RORA: variants seen among roughly 807,000 people sequenced by gnomAD.
RORA encodes the protein nuclear receptor ROR-alpha.
A neutral mutation model predicts 69.5 loss-of-function variants in RORA; 7 were observed. The observed-to-expected ratio is 0.10, with a 90% confidence interval of 0.06 to 0.19. The LOEUF (loss-of-function observed/expected upper bound fraction) is 0.19, where lower values mean the gene tolerates loss of function less well. Among genes scored for constraint, RORA ranks in the 10% least tolerant of loss-of-function variants. The pLI, the probability that RORA is intolerant of heterozygous loss-of-function variation, is 1.00. For missense variants in RORA, 457 were observed against 663.0 expected (o/e 0.69, Z 3.41); for synonymous variants, 261 against 240.8 (o/e 1.08, Z -0.78).
At chr15:61,193,257 T>C (rs1175574578) in intron 1 of RORA, among the ~76,000 whole-genome samples, 9 of 152,190 alleles carry the variant, frequency 5.9e-5, no homozygotes, top group Admixed American at 5.2e-4. Flanking sequence ...AAAACAATAA[T>C]ATATTTTTAG....
chr15:60,934,494 G>A (rs1001193501), intron 1 of RORA, among the ~76,000 whole-genome samples: 16 of 116,738 alleles, frequency 1.4e-4, no homozygotes, highest in Non-Finnish European at 2.8e-4. Context: ...TGTTGTTGTT[G>A]TTGTTTGTTT....
intron 1 of RORA, among the ~76,000 whole-genome samples, chr15:60,956,274 T>G (rs1893265479): frequency 6.6e-6 from 1 of 152,240 alleles, no homozygotes; most frequent in Non-Finnish European, 1.5e-5. Flanking sequence ...TTAATTTGTA[T>G]AATGCTTTAT....
intron 3 of RORA, among the ~76,000 whole-genome samples, chr15:60,521,191 T>G (rs530600719): frequency 6.6e-5 from 10 of 151,956 alleles, no homozygotes; most frequent in African/African-American, 2.2e-4. Flanking sequence ...GCATACATAG[T>G]AGTTTGAACA....
At chr15:61,083,426 A>G (rs528465508) in intron 1 of RORA, among the ~76,000 whole-genome samples, 1 of 152,276 alleles carries the variant, frequency 6.6e-6, no homozygotes, top group Admixed American at 6.5e-5. Context: ...AAAGCCATCT[A>G]TACCTATGGA....
At chr15:61,136,556 T>C (rs971749114) in intron 1 of RORA, among the ~76,000 whole-genome samples, 3 of 152,186 alleles carry the variant, frequency 2.0e-5, no homozygotes, top group African/African-American at 7.2e-5. Context: ...ACAAAACACA[T>C]GAGCACATGT....
chr15:61,203,858 C>A (rs1216632180), intron 1 of RORA, among the ~76,000 whole-genome samples: 1 of 152,226 alleles, frequency 6.6e-6, no homozygotes, highest in Non-Finnish European at 1.5e-5. Flanking sequence ...AACTTATCAT[C>A]CGCAACATTA....
intron 1 of RORA, among the ~76,000 whole-genome samples, chr15:60,696,569 C>T (rs1463876065): frequency 1.3e-5 from 2 of 152,148 alleles, no homozygotes; most frequent in Non-Finnish European, 2.9e-5. Context: ...ACCACCACAT[C>T]ACCACATACG....
At chr15:60,647,683 G>A (rs1156599351) in intron 2 of RORA, among the ~76,000 whole-genome samples, 1 of 152,162 alleles carries the variant, frequency 6.6e-6, no homozygotes, top group African/African-American at 2.4e-5. Flanking sequence ...AACCAGAACT[G>A]TTCAGAAAGA....
At chr15:60,732,842 C>T (rs111379753) in intron 1 of RORA, among the ~76,000 whole-genome samples, 13 of 151,604 alleles carry the variant, frequency 8.6e-5, no homozygotes, top group African/African-American at 3.2e-4. Flanking sequence ...CGTGCACTTA[C>T]ATGCTTCTAT....
chr15:60,501,025 A>C lies in RORA; in HGVS notation c.1228T>G (p.Leu410Val). ...TCTTCAGTCAGGTGCATAGAACATA[A>C]ACTCTTTCCAAATTCAAACACAAAG... ...ISFVFEFGKS[L>V]CSMHLTEDEI... Residue 410 changes from leucine (L) to valine (V), a missense_variant, in exon 9 of 11, where the codon TTA becomes GTA. Leu to Val is a conservative substitution (Grantham distance 32). This residue lies in a region of RORA where 304 missense variants were observed against 447.4 expected (regional missense o/e 0.68). Coordinates refer to ENST00000335670, the MANE Select transcript of RORA (RefSeq NM_134261.3). The C allele has an allele frequency of 6.2e-7, 1 of 1,611,062 alleles. No homozygotes were observed. The highest frequency in any genetic ancestry group is 8.5e-7 in the Non-Finnish European group (1 of 1,177,470).
chr15:61,010,556 TCC>T (rs1361129225), intron 1 of RORA, among the ~76,000 whole-genome samples: 1 of 152,098 alleles, frequency 6.6e-6, no homozygotes, highest in Non-Finnish European at 1.5e-5. Flanking sequence ...AATCCAAACA[TCC>T]CAGGGGTGTG....
intron 1 of RORA, among the ~76,000 whole-genome samples, chr15:60,970,902 GA>G (rs1257800739): frequency 1.3e-5 from 2 of 152,182 alleles, no homozygotes; most frequent in African/African-American, 4.8e-5. Flanking sequence ...ATGCTCCAGT[GA>G]AATTCAGACA....
intron 1 of RORA, among the ~76,000 whole-genome samples, chr15:60,876,532 C>A (rs896229721): frequency 6.6e-6 from 1 of 152,172 alleles, no homozygotes; most frequent in Non-Finnish European, 1.5e-5. Flanking sequence ...TTTTTTAAAA[C>A]CTTCGTTATC....
Position 61,117,637 on chromosome 15 carries a change from C to T in RORA, c.166+111416G>A, listed in dbSNP as rs74530188. On this transcript the variant is annotated intron_variant, in intron 1 of 10. Transcript: ENST00000335670. Reference sequence around the variant, plus strand: ...CTAAATGTGTTTGAGGAATTCTCTCCCAGACGTTAGAAAGTTGGATTTTGA... The same window carrying T: ...CTAAATGTGTTTGAGGAATTCTCTCTCAGACGTTAGAAAGTTGGATTTTGA... 5.2e-3 allele frequency among the ~76,000 whole-genome samples: 786 copies of T among 152,236 alleles called. 3 individuals are homozygous for T. Among genetic ancestry groups the T allele is most frequent in the Middle Eastern group, 0.02 (6 of 294 alleles).
chr15:60,613,194 C>A (rs532893098), intron 2 of RORA, among the ~76,000 whole-genome samples: 1 of 152,056 alleles, frequency 6.6e-6, no homozygotes, highest in Non-Finnish European at 1.5e-5. Context: ...TAACATGTAT[C>A]ACTACAACCG....
rs2065104559 is a variant in RORA at position 60,493,981 on chromosome 15, A to ACACACACACACACT, written c.*3473_*3474insAGTGTGTGTGTGTG. 1 of 145,400 alleles carries ACACACACACACACT rather than the reference A, an allele frequency of 6.9e-6. No individual in the cohort carries two copies. The highest frequency in any genetic ancestry group is 2.6e-5 in the African/African-American group (1 of 38,408). 9.0% of individuals were successfully genotyped at this position (145,400 alleles called of 1,614,324 possible). ...CACACACACACACACACACACACAC[A>ACACACACACACACT]CACACACTCCTTCCTCACCTGACCC... On this transcript the variant is annotated 3_prime_UTR_variant, in exon 11 of 11. Transcript: ENST00000335670.
At chr15:61,065,145 A>G (rs907325599) in intron 1 of RORA, among the ~76,000 whole-genome samples, 1 of 152,224 alleles carries the variant, frequency 6.6e-6, no homozygotes, top group East Asian at 1.9e-4. Flanking sequence ...CCCTCCCCAC[A>G]GAATCTGTTT....
intron 1 of RORA, among the ~76,000 whole-genome samples, chr15:61,150,643 G>A (rs1228224203): frequency 6.6e-6 from 1 of 152,160 alleles, no homozygotes; most frequent in East Asian, 1.9e-4. Flanking sequence ...GGTTTTCGCT[G>A]AAATGAGGCA....
intron 2 of RORA, among the ~76,000 whole-genome samples, chr15:60,547,228 T>C (rs1445885384): frequency 6.6e-6 from 1 of 152,134 alleles, no homozygotes; most frequent in African/African-American, 2.4e-5. Flanking sequence ...AGTTCTTATG[T>C]TGTCATTGCC....
Sources: allele counts gnomAD v4.1 joint callset (sites outside exome capture counted in the v4.1 genomes callset), GRCh38; gene constraint gnomAD v4.1.1; regional missense constraint gnomAD v4.1.1; transcripts MANE v1.5; gene names NCBI Gene and HGNC (gene_info 2026-07-23, HGNC 2026-07-21).